NMUR2: variants seen among roughly 807,000 people sequenced by gnomAD.
NMUR2 encodes neuromedin-U receptor 2.
A neutral mutation model predicts 25.1 loss-of-function variants in NMUR2; 24 were observed. That is an observed-to-expected ratio of 0.96 (90% CI 0.69 to 1.34). The LOEUF (loss-of-function observed/expected upper bound fraction) is 1.34, where lower values mean the gene tolerates loss of function less well. Ranked by LOEUF, NMUR2 falls within the 40% of genes most tolerant of loss-of-function variation. The pLI, the probability that NMUR2 is intolerant of heterozygous loss-of-function variation, is 0.00. For synonymous variants in NMUR2, 218 were observed against 208.1 expected (o/e 1.05, Z -0.41); for missense variants, 533 against 512.8 (o/e 1.04, Z -0.38).
rs1311714562 is a variant in NMUR2 at position 152,391,557 on chromosome 5, TC to T, written c.*633del. On this transcript the variant is annotated 3_prime_UTR_variant, in exon 4 of 4. Transcript: ENST00000255262. Reference sequence around the variant, plus strand: ...TCACCATAAGCACATATAATAATAATCAAGTTTATTGCGAAAATTATGACAA... The same window carrying T: ...TCACCATAAGCACATATAATAATAATAAGTTTATTGCGAAAATTATGACAA... 1 of 152,272 alleles carries T rather than the reference TC, an allele frequency of 6.6e-6. No individual in the cohort carries two copies. The highest frequency in any genetic ancestry group is 2.4e-5 in the African/African-American group (1 of 41,416). 9.4% of individuals were successfully genotyped at this position (152,272 alleles called of 1,614,324 possible). A position where few individuals can be genotyped will look rare whatever the true frequency, so the allele number is the denominator to read the frequency against.
chr5:152,399,830 C>A (rs1368778356), intron 1 of NMUR2, among the ~76,000 whole-genome samples: 1 of 151,926 alleles, frequency 6.6e-6, no homozygotes, highest in East Asian at 1.9e-4. Flanking sequence ...TCAGGTGGAA[C>A]GAAAATTTAA....
chr5:152,405,169 G>C lies in NMUR2; in HGVS notation c.-56C>G, dbSNP rs76154884. 1.7e-6 allele frequency: 2 copies of C among 1,202,238 alleles called. No individual in the cohort carries two copies. The highest frequency in any genetic ancestry group is 2.2e-6 in the Non-Finnish European group (2 of 919,386). The allele number at this position is 1,202,238 out of a possible 1,614,324, so 74.5% of individuals were successfully genotyped here. On this transcript the variant is annotated 5_prime_UTR_variant, in exon 1 of 4. Transcript: ENST00000255262. ...CGAGGCTCTGTTTCAAGCTGAGCCA[G>C]GAAAAAAAAAAAAAAAAGAAAAAAG...
intron 1 of NMUR2, among the ~76,000 whole-genome samples, chr5:152,401,416 T>A (rs1000622662): frequency 6.6e-6 from 1 of 152,190 alleles, no homozygotes; most frequent in African/African-American, 2.4e-5. Flanking sequence ...GATCAGTTGT[T>A]TATACTGCCT....
At chr5:152,396,225 C>CA (rs1299813416) in intron 2 of NMUR2, among the ~76,000 whole-genome samples, 1 of 101,784 alleles carries the variant, frequency 9.8e-6, no homozygotes, top group Non-Finnish European at 2.4e-5. Flanking sequence ...CACACACACA[C>CA]TTTTTTTTTT....
rs769998163 is a variant in NMUR2, at chr5:152,397,012, G to GTTTTTTTT, written c.811+1040_811+1047dup. Among the ~76,000 whole-genome samples, 82 of 105,694 alleles carry GTTTTTTTT rather than the reference G, an allele frequency of 7.8e-4. 4 individuals are homozygous for GTTTTTTTT. Among genetic ancestry groups the GTTTTTTTT allele is most frequent in the Admixed American group, 1.2e-3 (11 of 9,540 alleles). The allele number at this position is 105,694 out of a possible 152,430, so 69.3% of individuals were successfully genotyped here. A position where few individuals can be genotyped will look rare whatever the true frequency, so the allele number is the denominator to read the frequency against. ...TGACTTTAATATGAGTGAGCTTCATGTTTTTTTTTTTTTTTTTTTGTGAGA... is the reference window on the plus strand; with the variant it reads ...TGACTTTAATATGAGTGAGCTTCATGTTTTTTTTTTTTTTTTTTTTTTTTTTTGTGAGA... On this transcript the variant is annotated intron_variant, in intron 2 of 3. Coordinates refer to ENST00000255262, the MANE Select transcript of NMUR2 (RefSeq NM_020167.5).
chr5:152,403,116 T>C (rs951536359), intron 1 of NMUR2, among the ~76,000 whole-genome samples: 2 of 152,292 alleles, frequency 1.3e-5, no homozygotes, highest in African/African-American at 4.8e-5. Flanking sequence ...CATTTAAAAC[T>C]CACATTACTT....
intron 1 of NMUR2, among the ~76,000 whole-genome samples, chr5:152,400,731 ATTATT>A (rs1319022042): frequency 4.7e-4 from 71 of 152,324 alleles, no homozygotes; most frequent in Middle Eastern, 6.8e-3. Flanking sequence ...CAGTTATTCT[ATTATT>A]TTATTTCAGT....
At chr5:152,402,845 G>C (rs1486350054) in intron 1 of NMUR2, among the ~76,000 whole-genome samples, 2 of 152,110 alleles carry the variant, frequency 1.3e-5, no homozygotes, top group African/African-American at 4.8e-5. Context: ...CTCCAGGAGG[G>C]GACTGGCACA....
At chr5:152,401,683 A>G (rs1470109283) in intron 1 of NMUR2, among the ~76,000 whole-genome samples, 2 of 152,200 alleles carry the variant, frequency 1.3e-5, no homozygotes, top group African/African-American at 4.8e-5. Context: ...TTCCTCCCAC[A>G]TGTGGAGGGA....
intron 1 of NMUR2, among the ~76,000 whole-genome samples, chr5:152,401,245 A>G (rs1373946774): frequency 6.6e-6 from 1 of 152,162 alleles, no homozygotes; most frequent in Non-Finnish European, 1.5e-5. Flanking sequence ...GAGGAGTGCA[A>G]ATTTGTGATT....
intron 1 of NMUR2, among the ~76,000 whole-genome samples, chr5:152,399,172 A>G (rs776327946): frequency 7.9e-5 from 12 of 152,194 alleles, no homozygotes; most frequent in African/African-American, 1.2e-4. Flanking sequence ...TTAAGGACTC[A>G]TGATAAAATA....
Position 152,392,043 on chromosome 5 carries a change from C to T in NMUR2, c.*148G>A. On this transcript the variant is annotated 3_prime_UTR_variant, in exon 4 of 4. Coordinates refer to ENST00000255262, the MANE Select transcript of NMUR2 (RefSeq NM_020167.5). ...GAAACCAGATCTAACTCTCAGTTTT[C>T]ACGTTTATTAAAAAAAAAAAAACTA... is the stretch of plus-strand genomic sequence containing the variant. The T allele has an allele frequency of 1.5e-6, 1 of 660,218 alleles. No individual in the cohort carries two copies. Among genetic ancestry groups the T allele is most frequent in the South Asian group, 2.1e-5 (1 of 46,636 alleles). The allele number at this position is 660,218 out of a possible 1,614,324, so 40.9% of individuals were successfully genotyped here.
intron 3 of NMUR2, among the ~76,000 whole-genome samples, chr5:152,394,499 G>T (rs371266782): frequency 6.6e-6 from 1 of 152,138 alleles, no homozygotes; most frequent in Admixed American, 6.6e-5. Context: ...CAGGAGAGGT[G>T]GGGGGACAGA....
At position 152,397,984 on chromosome 5, in the gene NMUR2, G is replaced by A. The variant is rs1753189975; in HGVS notation, c.811+76C>T. Reference sequence around the variant, plus strand: ...GGATAAATTGGAACCTACCCCAGCAGCATTTAGTTGGTACCAAATGTACCT... The same window carrying A: ...GGATAAATTGGAACCTACCCCAGCAACATTTAGTTGGTACCAAATGTACCT... On this transcript the variant is annotated intron_variant, in intron 2 of 3. Transcript: ENST00000255262. The A allele has an allele frequency of 5.1e-6, 5 of 981,396 alleles. No individual in the cohort carries two copies. In the Admixed American group the frequency reaches 9.5e-5, roughly 19 times the overall value. 60.8% of individuals were successfully genotyped at this position (981,396 alleles called of 1,614,324 possible).
chr5:152,397,234 T>C (rs1005820576), intron 2 of NMUR2, among the ~76,000 whole-genome samples: 3 of 152,106 alleles, frequency 2.0e-5, no homozygotes, highest in African/African-American at 4.8e-5. Context: ...TTCATATGCA[T>C]ATTAGCCTGG....
intron 1 of NMUR2, among the ~76,000 whole-genome samples, chr5:152,401,897 A>G: frequency 6.6e-6 from 1 of 152,112 alleles, no homozygotes; most frequent in East Asian, 1.9e-4. Context: ...CCCAGAGTCA[A>G]TCATACCTTC....
chr5:152,401,603 A>C (rs1753255630), intron 1 of NMUR2, among the ~76,000 whole-genome samples: 1 of 152,246 alleles, frequency 6.6e-6, no homozygotes, highest in Non-Finnish European at 1.5e-5. Flanking sequence ...TCATACATCC[A>C]TCCTCATCAC....
intron 3 of NMUR2, among the ~76,000 whole-genome samples, chr5:152,394,044 A>AG (rs1449428520): frequency 6.6e-6 from 1 of 152,072 alleles, no homozygotes; most frequent in African/African-American, 2.4e-5. Context: ...CTAATATAAA[A>AG]GGGGGGAGAT....
Position 152,398,105 on chromosome 5 carries a change from C to T in NMUR2, c.766G>A (p.Ala256Thr). Residue 256 changes from alanine (A) to threonine (T), a missense_variant, in exon 2 of 4, where the codon GCA becomes ACA. Ala to Thr is a moderately conservative substitution (Grantham distance 58, BLOSUM62 0). Coordinates refer to ENST00000255262, the MANE Select transcript of NMUR2 (RefSeq NM_020167.5). The stretch of plus-strand genomic sequence containing the variant: ...TTTCTGCAGGGTCTTTGAATATTTG[C>T]ATTCCCTTCATCTGCCTCAAGAGAT... The part of the protein sequence containing the change: ...DKSLEADEGN[A>T]NIQRPCRKSV... 1 of 1,613,352 alleles carries T rather than the reference C, an allele frequency of 6.2e-7. No homozygotes were observed. Among genetic ancestry groups the T allele is most frequent in the Non-Finnish European group, 8.5e-7 (1 of 1,179,552 alleles).
Sources: gnomAD v4.1 joint callset for allele counts (sites outside exome capture counted in the v4.1 genomes callset) on GRCh38, gnomAD v4.1.1 for gene constraint, MANE v1.5 for transcripts, NCBI Gene and HGNC (gene_info 2026-07-23, HGNC 2026-07-21) for gene names.